Variants in MIGA1 observed in about 807,000 individuals in gnomAD.
The protein encoded by MIGA1 is mitoguardin 1, also known as family with sequence similarity 73, member A.
MIGA1 carries 58 observed loss-of-function variants against 82.0 expected under a neutral mutation model. That is an observed-to-expected ratio of 0.71 (90% CI 0.57 to 0.88). MIGA1 has a LOEUF of 0.88. MIGA1 is among the 40% of genes least tolerant of loss of function. The probability of loss-of-function intolerance (pLI) is 0.00; values close to 1 mark genes in which losing one functional copy is unlikely to be tolerated. For missense variants in MIGA1, 751 were observed against 749.1 expected (o/e 1.00, Z -0.03); for synonymous variants, 249 against 253.6 (o/e 0.98, Z 0.17).
intron 8 of MIGA1, chr1:77,848,346 G>T: frequency 8.1e-7 from 1 of 1,230,006 alleles, no homozygotes; most frequent in South Asian, 1.3e-5. Context: ...CCGACACAGT[G>T]AGAAAGGAGA....
chr1:77,785,283 T>C (rs573801252), intron 2 of MIGA1, among the ~76,000 whole-genome samples: 61 of 152,016 alleles, frequency 4.0e-4, no homozygotes, highest in African/African-American at 1.4e-3. Flanking sequence ...ATGGGAAAAA[T>C]TGGCCAAAAC....
At chr1:77,825,522 G>A (rs1469156792) in intron 7 of MIGA1, among the ~76,000 whole-genome samples, 1 of 152,036 alleles carries the variant, frequency 6.6e-6, no homozygotes, top group Admixed American at 6.6e-5. Context: ...GCTACTTGTA[G>A]CACTGGGAGT....
intron 8 of MIGA1, chr1:77,847,640 A>T: frequency 6.4e-7 from 1 of 1,560,058 alleles, no homozygotes; most frequent in East Asian, 2.2e-5. Context: ...CTGCGCTGGA[A>T]GCGTGTTTGG....
intron 6 of MIGA1, among the ~76,000 whole-genome samples, chr1:77,814,576 G>A (rs1683502998): frequency 1.3e-5 from 2 of 152,178 alleles, no homozygotes; most frequent in African/African-American, 4.8e-5. Context: ...ATTTTTTAAA[G>A]TTTGATTTGT....
In MIGA1 at chr1:77,864,084, G is replaced by C. The variant is rs554537329; in HGVS notation, c.1509+56G>C. 1.7e-3 allele frequency: 2,706 copies of C among 1,572,312 alleles called. 6 individuals are homozygous for C. Among genetic ancestry groups the C allele is most frequent in the Middle Eastern group, 0.01 (58 of 5,720 alleles). ...TAAGTTTGATTAAAAAGTGAGGCTG[G>C]GCGCAGTAGCTCACGCCTGTAATCC... On this transcript the variant is annotated intron_variant, in intron 13 of 15. Coordinates refer to ENST00000370791, the MANE Select transcript of MIGA1 (RefSeq NM_198549.4).
Position 77,813,870 on chromosome 1 carries a change from A to G in MIGA1, c.771+3A>G. 1 of 1,613,118 alleles carries G rather than the reference A, an allele frequency of 6.2e-7. No homozygotes were observed. The highest frequency in any genetic ancestry group is 2.2e-5 in the East Asian group (1 of 44,876). On this transcript the variant is annotated splice_donor_region_variant and intron_variant, in intron 6 of 15. Coordinates refer to ENST00000370791, the MANE Select transcript of MIGA1 (RefSeq NM_198549.4). ...CCATTGCTGAAGAAAATGTAGATGT[A>G]AGGGTGATTGATTTGAGTGGTCTTC...
At position 77,790,170 on chromosome 1, in the gene MIGA1, A is replaced by C. The variant is rs747957698; in HGVS notation, c.195+6819A>C. Among the ~76,000 whole-genome samples, 105 of 152,338 alleles carry C rather than the reference A, an allele frequency of 6.9e-4. 1 individual carries two copies. The highest frequency in any genetic ancestry group is 1.2e-3 in the Non-Finnish European group (82 of 68,024). On this transcript the variant is annotated intron_variant, in intron 2 of 15. Transcript: ENST00000370791. ...CAATGTATGTATATAATTCTATGCC[A>C]AGCCATTTTATCATATGCATAGATT...
chr1:77,833,255 T>C (rs948499513), intron 7 of MIGA1, among the ~76,000 whole-genome samples: 1 of 152,234 alleles, frequency 6.6e-6, no homozygotes, highest in Non-Finnish European at 1.5e-5. Flanking sequence ...TTAAGTTGTA[T>C]ACTCAGACAT....
intron 8 of MIGA1, chr1:77,846,983 T>C (rs1323172573): frequency 1.8e-6 from 1 of 567,920 alleles, no homozygotes; most frequent in Non-Finnish European, 3.1e-6. Context: ...TACCTCTACT[T>C]GTACTCTAAA....
At chr1:77,784,080 C>T (rs995958896) in intron 2 of MIGA1, among the ~76,000 whole-genome samples, 3 of 152,136 alleles carry the variant, frequency 2.0e-5, no homozygotes, top group African/African-American at 7.2e-5. Context: ...CATTGGATTG[C>T]GTCCATGTTT....
At chr1:77,793,740 C>T (rs1265117272) in intron 2 of MIGA1, among the ~76,000 whole-genome samples, 1 of 150,440 alleles carries the variant, frequency 6.6e-6, no homozygotes, top group South Asian at 2.1e-4. Context: ...GCTGGGATTA[C>T]AGGCGTGAAC....
At chr1:77,844,880 G>C (rs1045707982) in intron 8 of MIGA1, among the ~76,000 whole-genome samples, 1 of 152,254 alleles carries the variant, frequency 6.6e-6, no homozygotes, top group Admixed American at 6.5e-5. Flanking sequence ...TACTCAGGAG[G>C]CTGAGGCACA....
At chr1:77,839,792 G>C (rs576491939) in intron 7 of MIGA1, among the ~76,000 whole-genome samples, 3 of 152,070 alleles carry the variant, frequency 2.0e-5, no homozygotes, top group Non-Finnish European at 4.4e-5. Context: ...ACCCAGGCTG[G>C]AATACAGTGG....
chr1:77,842,347 G>C (rs1272762083), intron 7 of MIGA1, among the ~76,000 whole-genome samples: 1 of 152,172 alleles, frequency 6.6e-6, no homozygotes, highest in Non-Finnish European at 1.5e-5. Flanking sequence ...CTAACAGCCT[G>C]TCTTGATAGG....
intron 5 of MIGA1, chr1:77,811,695 CA>C (rs200331145): frequency 0.017 from 28,106 of 1,612,010 alleles, 679 homozygotes; most frequent in South Asian, 0.098. Flanking sequence ...CTATCGCCTC[CA>C]CCAGCTGGCC....
At position 77,834,792 on chromosome 1, in the gene MIGA1, T is replaced by A. The variant is rs534923378; in HGVS notation, c.896-8515T>A. ...TAACAGACTCTGTTTGGAAAATAGC[T>A]CATCTTGTCGACAGCAGAAGCTTTT... On this transcript the variant is annotated intron_variant, in intron 7 of 15. Coordinates refer to ENST00000370791, the MANE Select transcript of MIGA1 (RefSeq NM_198549.4). 2.6e-5 allele frequency among the ~76,000 whole-genome samples: 4 copies of A among 152,310 alleles called. No homozygotes were observed. In the South Asian group the frequency reaches 8.3e-4, roughly 32 times the overall value.
intron 8 of MIGA1, among the ~76,000 whole-genome samples, chr1:77,844,244 C>A (rs1445855262): frequency 6.7e-6 from 1 of 148,826 alleles, no homozygotes; most frequent in Non-Finnish European, 1.5e-5. Context: ...CTGAAAACAA[C>A]CTAATGCCAA....
chr1:77,859,144 A>C (rs1282186989), intron 9 of MIGA1, 88 bp downstream of exon 9: 4 of 1,022,444 alleles, frequency 3.9e-6, no homozygotes, highest in Non-Finnish European at 6.1e-6. Context: ...ATAGGAGAAA[A>C]TATGTTTTTA....
At chr1:77,809,145 G>A (rs1460253661) in intron 5 of MIGA1, among the ~76,000 whole-genome samples, 1 of 151,980 alleles carries the variant, frequency 6.6e-6, no homozygotes, top group African/African-American at 2.4e-5. Context: ...AAAAACCTCA[G>A]AATATTAAAA....
Sources: allele counts gnomAD v4.1 joint callset (sites outside exome capture counted in the v4.1 genomes callset), GRCh38; gene constraint gnomAD v4.1.1; transcripts MANE v1.5; gene names NCBI Gene and HGNC (gene_info 2026-07-23, HGNC 2026-07-21).